OR2L13: variants seen among roughly 807,000 people sequenced by gnomAD.
OR2L13 encodes olfactory receptor 2L13.
A neutral mutation model predicts 15.3 loss-of-function variants in OR2L13; 14 were observed. The observed-to-expected ratio is 0.91, with a 90% CI of 0.60 to 1.43. The LOEUF is 1.43. Ranked by LOEUF, OR2L13 falls within the 40% of genes most tolerant of loss-of-function variation. The pLI is 0.00. For missense variants in OR2L13, 367 were observed against 387.9 expected (o/e 0.95, Z 0.45); for synonymous variants, 152 against 142.9 (o/e 1.06, Z -0.45).
the OR2L13 span, among the ~76,000 whole-genome samples, chr1:248,071,836 GACAA>G: frequency 8.0e-5 from 12 of 150,002 alleles, no homozygotes; most frequent in Non-Finnish European, 1.6e-4. Context: ...ACCAATAACA[GACAA>G]ACAGAGAGCC....
At chr1:247,975,448 C>T in the OR2L13 span, 4 of 747,658 alleles carry the variant, frequency 5.4e-6, no homozygotes, top group African/African-American at 5.3e-5. Flanking sequence ...CTGTAGCACC[C>T]ACCTCACTGT....
the OR2L13 span, chr1:247,948,967 C>T: frequency 6.2e-7 from 1 of 1,613,864 alleles, no homozygotes; most frequent in Non-Finnish European, 8.5e-7. Context: ...TTCCTGATGG[C>T]TCTAATTGGA....
At chr1:247,981,960 C>T in the OR2L13 span, among the ~76,000 whole-genome samples, 1 of 151,902 alleles carries the variant, frequency 6.6e-6, no homozygotes, top group Non-Finnish European at 1.5e-5. Flanking sequence ...GGACTGCAGG[C>T]TCCCGCCACC....
chr1:248,058,387 A>T, the OR2L13 span, among the ~76,000 whole-genome samples: 3 of 152,142 alleles, frequency 2.0e-5, no homozygotes, highest in Admixed American at 1.3e-4. Flanking sequence ...CTCCGTCATC[A>T]CCCCCAGGTT....
At chr1:248,005,096 G>A in the OR2L13 span, among the ~76,000 whole-genome samples, 1 of 152,164 alleles carries the variant, frequency 6.6e-6, no homozygotes, top group African/African-American at 2.4e-5. Flanking sequence ...ATAAGAGCCA[G>A]TAATTGGTAG....
At chr1:247,963,465 A>G in the OR2L13 span, among the ~76,000 whole-genome samples, 1 of 152,148 alleles carries the variant, frequency 6.6e-6, no homozygotes, top group Non-Finnish European at 1.5e-5. Context: ...CTGTTTTATC[A>G]GTGGAGTCTT....
chr1:248,015,039 T>A, the OR2L13 span, among the ~76,000 whole-genome samples: 3 of 152,152 alleles, frequency 2.0e-5, no homozygotes, highest in African/African-American at 7.2e-5. Context: ...TGTATCTATC[T>A]ATGAGAGCTG....
chr1:247,951,895 A>G, the OR2L13 span, among the ~76,000 whole-genome samples: 5 of 152,056 alleles, frequency 3.3e-5, no homozygotes, highest in Non-Finnish European at 7.4e-5. Context: ...TGTCATCACC[A>G]TCAATATGAG....
chr1:248,038,477 A>G, the OR2L13 span: 20 of 1,613,728 alleles, frequency 1.2e-5, no homozygotes, highest in African/African-American at 9.3e-5. Context: ...TCATTGACCT[A>G]AATTACATCT....
the OR2L13 span, among the ~76,000 whole-genome samples, chr1:248,050,319 C>G: frequency 6.6e-6 from 1 of 151,766 alleles, no homozygotes. Flanking sequence ...AAATACCTTC[C>G]TTATAGCTAA....
the OR2L13 span, among the ~76,000 whole-genome samples, chr1:247,989,601 T>C: frequency 3.3e-5 from 5 of 152,176 alleles, no homozygotes; most frequent in Admixed American, 6.5e-5. Context: ...AATTTCTGGG[T>C]GACAAAATAA....
At chr1:248,077,893 G>GA in the OR2L13 span, among the ~76,000 whole-genome samples, 1 of 151,908 alleles carries the variant, frequency 6.6e-6, no homozygotes. Context: ...GTCAATATAT[G>GA]AAAATCACAA....
At chr1:247,992,729 A>C in the OR2L13 span, among the ~76,000 whole-genome samples, 2 of 152,248 alleles carry the variant, frequency 1.3e-5, no homozygotes, top group East Asian at 3.9e-4. Flanking sequence ...ATAGCTGTGT[A>C]GTGTTTCATG....
At chr1:247,963,025 G>A in the OR2L13 span, among the ~76,000 whole-genome samples, 3 of 152,082 alleles carry the variant, frequency 2.0e-5, no homozygotes, top group Non-Finnish European at 4.4e-5. Flanking sequence ...GGCTCAGCCC[G>A]GGATGCCATG....
chr1:248,071,523 C>T, the OR2L13 span, among the ~76,000 whole-genome samples: 2 of 152,058 alleles, frequency 1.3e-5, no homozygotes, highest in Non-Finnish European at 2.9e-5. Flanking sequence ...CAATATCATA[C>T]TGAATGGGCA....
the OR2L13 span, among the ~76,000 whole-genome samples, chr1:248,018,023 T>C: frequency 0.032 from 4,862 of 151,876 alleles, 222 homozygotes; most frequent in African/African-American, 0.11. Context: ...GGCGTGGTGG[T>C]GGGCCCCTGT....
chr1:247,983,215 T>G, the OR2L13 span, among the ~76,000 whole-genome samples: 4 of 152,334 alleles, frequency 2.6e-5, no homozygotes, highest in East Asian at 7.7e-4. Flanking sequence ...AAGAGTTTGT[T>G]ATTAGGATTA....
At chr1:248,077,592 T>A in the OR2L13 span, among the ~76,000 whole-genome samples, 1 of 152,212 alleles carries the variant, frequency 6.6e-6, no homozygotes, top group Non-Finnish European at 1.5e-5. Context: ...GTCCAGGAAT[T>A]TATCCATTTG....
chr1:248,040,949 A>G, the OR2L13 span: 1 of 152,208 alleles, frequency 6.6e-6, no homozygotes, highest in East Asian at 1.9e-4. Context: ...AGTTTACTAG[A>G]GTACTGAATA....
Sources: allele counts gnomAD v4.1 joint callset (sites outside exome capture counted in the v4.1 genomes callset), GRCh38; gene constraint gnomAD v4.1.1; transcripts MANE v1.5; gene names NCBI Gene and HGNC (gene_info 2026-07-23, HGNC 2026-07-21).